Variants in FBN1 observed in about 807,000 individuals in gnomAD.
The protein encoded by FBN1 is fibrillin 1, also known as fibrillin-1.
In FBN1, 29 loss-of-function variants were observed where a neutral mutation model predicts 365.1. The ratio of observed to expected loss-of-function variants is 0.08; its 90% CI spans 0.06 to 0.11. The LOEUF (loss-of-function observed/expected upper bound fraction) is 0.11. FBN1 is among the 10% of genes least tolerant of loss of function. The pLI is 1.00. For synonymous variants in FBN1, 1,210 were observed against 1,270.5 expected (o/e 0.95, Z 1.01); for missense variants, 2,476 against 3,703.2 (o/e 0.67, Z 8.60).
rs141925790 is a variant in FBN1 at position 48,463,966 on chromosome 15, G to A, written c.4998C>T (p.Thr1666=). The A allele has an allele frequency of 7.8e-5, 126 of 1,613,558 alleles. No homozygotes were observed. In the Middle Eastern group the frequency reaches 4.3e-3, roughly 55 times the overall value. Residue 1666 remains threonine, a synonymous_variant, in exon 41 of 66, where the codon ACC becomes ACT. Transcript: ENST00000316623. ...GICGPGTCYN[T]VGNYTCICPP... ...GACAGATACAGGTGTAGTTGCCAAC[G>A]GTGTTGTAACATGTCCCTGGACCAC...
chr15:48,472,486 G>A (rs1297849882), intron 35 of FBN1, 65 bp downstream of exon 35: 5 of 1,450,668 alleles, frequency 3.4e-6, no homozygotes, highest in Non-Finnish European at 4.8e-6. Flanking sequence ...AAAGCATCAG[G>A]AATGTTTAAA....
Position 48,505,026 on chromosome 15 carries a change from A to T in FBN1, c.1959T>A (p.Val653=), listed in dbSNP as rs1259303204. 1 of 1,614,118 alleles carries T rather than the reference A, an allele frequency of 6.2e-7. No individual in the cohort carries two copies. Among genetic ancestry groups the T allele is most frequent in the South Asian group, 1.1e-5 (1 of 91,080 alleles). The change falls in exon 16 of 66, where the codon GTT becomes GTA. Residue 653 remains valine, a splice_region_variant and synonymous_variant. Coordinates refer to ENST00000316623, the MANE Select transcript of FBN1 (RefSeq NM_000138.5). ...LAVGLDGRVC[V]DTHMRSTCYG... ...AGGTTAGCCATGATGTTTTCTTACC[A>T]ACACACACACGGCCATCCAGACCCA...
chr15:48,500,404 C>A (rs532668505), intron 17 of FBN1, among the ~76,000 whole-genome samples: 1 of 151,794 alleles, frequency 6.6e-6, no homozygotes, highest in Non-Finnish European at 1.5e-5. Context: ...GTTTTAATAC[C>A]GATGACAACG....
chr15:48,582,551 A>G (rs1417812441), intron 6 of FBN1, among the ~76,000 whole-genome samples: 1 of 152,232 alleles, frequency 6.6e-6, no homozygotes, highest in Non-Finnish European at 1.5e-5. Context: ...CACGTAAACC[A>G]TTACAAATGT....
intron 6 of FBN1, among the ~76,000 whole-genome samples, chr15:48,539,796 C>CT (rs761523060): frequency 0.024 from 3,441 of 145,216 alleles, 116 homozygotes; most frequent in African/African-American, 0.077. Flanking sequence ...TATCATTTGT[C>CT]TTTTTTTTTT....
chr15:48,584,306 A>G (rs1030860050), intron 6 of FBN1, among the ~76,000 whole-genome samples: 2 of 152,204 alleles, frequency 1.3e-5, no homozygotes, highest in Non-Finnish European at 2.9e-5. Context: ...TCCAGCAAGT[A>G]GCAAGATTTA....
chr15:48,488,943 A>C (rs1231155555), intron 25 of FBN1, among the ~76,000 whole-genome samples: 1 of 152,220 alleles, frequency 6.6e-6, no homozygotes. Flanking sequence ...TATGCCAAAA[A>C]TATAAAAATT....
At chr15:48,475,479 G>A (rs962798585) in intron 32 of FBN1, among the ~76,000 whole-genome samples, 3 of 152,098 alleles carry the variant, frequency 2.0e-5, no homozygotes, top group African/African-American at 7.2e-5. Flanking sequence ...AGAACATAAA[G>A]TACTAAGTGA....
At chr15:48,477,454 C>T (rs534185129) in intron 32 of FBN1, among the ~76,000 whole-genome samples, 1 of 152,292 alleles carries the variant, frequency 6.6e-6, no homozygotes, top group South Asian at 2.1e-4. Context: ...CAGTATGTAA[C>T]AATTGGAGAG....
intron 25 of FBN1, 69 bp from the exon 26 acceptor site, chr15:48,488,562 C>G: frequency 6.4e-7 from 1 of 1,565,372 alleles, no homozygotes; most frequent in South Asian, 1.1e-5. Context: ...TCAATGCCCA[C>G]CATTTTAAAT....
intron 10 of FBN1, among the ~76,000 whole-genome samples, chr15:48,516,845 G>A (rs932502109): frequency 6.6e-6 from 1 of 152,222 alleles, no homozygotes; most frequent in South Asian, 2.1e-4. Context: ...GGGGAGGCAA[G>A]GCTGTTGCAG....
intron 9 of FBN1, among the ~76,000 whole-genome samples, chr15:48,523,386 A>C (rs1293447420): frequency 6.6e-6 from 1 of 152,236 alleles, no homozygotes; most frequent in Non-Finnish European, 1.5e-5. Flanking sequence ...ATGTTAAATC[A>C]ATGGATCACA....
intron 50 of FBN1, among the ~76,000 whole-genome samples, chr15:48,439,665 T>C (rs961728776): frequency 3.9e-5 from 6 of 152,208 alleles, no homozygotes; most frequent in African/African-American, 1.2e-4. Context: ...TGTTGTAATA[T>C]TGGTGTATTA....
intron 49 of FBN1, 88 bp from the exon 50 acceptor site, chr15:48,441,934 A>T: frequency 7.0e-7 from 1 of 1,418,666 alleles, no homozygotes; most frequent in Non-Finnish European, 9.9e-7. Flanking sequence ...CACAAAGGGC[A>T]ACTGAGTTTC....
intron 60 of FBN1, among the ~76,000 whole-genome samples, chr15:48,425,072 G>T (rs550360954): frequency 6.6e-6 from 1 of 152,228 alleles, no homozygotes; most frequent in African/African-American, 2.4e-5. Flanking sequence ...CACCAATTAA[G>T]AATCTGCCCC....
chr15:48,469,370 T>C (rs1174343133), intron 36 of FBN1, among the ~76,000 whole-genome samples: 3 of 152,082 alleles, frequency 2.0e-5, no homozygotes, highest in African/African-American at 7.2e-5. Context: ...GCTTAGTGTG[T>C]TCCCTGAGGT....
At chr15:48,499,260 T>A (rs957743387) in intron 17 of FBN1, among the ~76,000 whole-genome samples, 1 of 152,248 alleles carries the variant, frequency 6.6e-6, no homozygotes, top group Non-Finnish European at 1.5e-5. Flanking sequence ...AGGCAAGTTA[T>A]AGCAATTCCT....
chr15:48,528,526 A>G (rs1337986104), intron 8 of FBN1, among the ~76,000 whole-genome samples: 1 of 152,210 alleles, frequency 6.6e-6, no homozygotes, highest in Non-Finnish European at 1.5e-5. Context: ...GAAAACTGAC[A>G]TGAATCAAAC....
chr15:48,485,677 A>C (rs998091593), intron 29 of FBN1, among the ~76,000 whole-genome samples, 181 bp from the exon 30 acceptor site: 1 of 152,204 alleles, frequency 6.6e-6, no homozygotes, highest in Non-Finnish European at 1.5e-5. Flanking sequence ...TAAAAGATCA[A>C]GTTCAGCCCC....
Sources: gnomAD v4.1 joint callset for allele counts (sites outside exome capture counted in the v4.1 genomes callset) on GRCh38, gnomAD v4.1.1 for gene constraint, MANE v1.5 for transcripts, NCBI Gene and HGNC (gene_info 2026-07-23, HGNC 2026-07-21) for gene names.